Variants in GLI1 observed in about 807,000 individuals in gnomAD.
The protein encoded by GLI1 is transcription activator GLI1.
Under a neutral mutation model 87.8 loss-of-function variants are expected in GLI1, and 51 were observed. The observed-to-expected ratio is 0.58, with a 90% confidence interval of 0.46 to 0.73. The LOEUF (loss-of-function observed/expected upper bound fraction) is 0.73, where lower values mean the gene tolerates loss of function less well. Ranked by LOEUF, GLI1 falls within the 30% of genes least tolerant of loss-of-function variation. The pLI, the probability that GLI1 is intolerant of heterozygous loss-of-function variation, is 0.00. For synonymous variants in GLI1, 528 were observed against 558.2 expected, an observed-to-expected ratio of 0.95 and a Z score of 0.76; for missense variants, 1,292 against 1,437.2, an observed-to-expected ratio of 0.90 and a Z score of 1.63.
At chr12:57,465,449 T>G (rs1246481992) in intron 5 of GLI1, 158 bp from the exon 6 acceptor site, 1 of 742,930 alleles carries the variant, frequency 1.3e-6, no homozygotes, top group East Asian at 2.7e-5. Context: ...CTTTTGCCCA[T>G]CCCATTCACC....
chr12:57,466,358 GAC>G lies in GLI1; in HGVS notation c.886_887del (p.Thr296TrpfsTer10). ...TACATGCTGGTGGTTCACATGCGCA[GAC>G]ACACTGGCGAGAAGCCACACAAGTG... is the stretch of plus-strand genomic sequence containing the variant. On this transcript the variant is annotated frameshift_variant, in exon 8 of 12. Transcript: ENST00000228682. LOFTEE classifies it high-confidence loss of function. 6.2e-7 allele frequency: 1 copy of G among 1,613,940 alleles called. No individual in the cohort carries two copies. The highest frequency in any genetic ancestry group is 8.5e-7 in the Non-Finnish European group (1 of 1,179,890).
chr12:57,470,636 T>G lies in GLI1; in HGVS notation c.1896T>G (p.Asn632Lys), dbSNP rs140787723. 8 of 1,613,380 alleles carry G rather than the reference T, an allele frequency of 5.0e-6. No homozygotes were observed. Among genetic ancestry groups the G allele is most frequent in the Non-Finnish European group, 6.8e-6 (8 of 1,179,820 alleles). The change falls in exon 12 of 12, where the codon AAT (asparagine) becomes AAG (lysine). Residue 632 changes from asparagine to lysine, a missense_variant. By Grantham distance (94) the Asn-to-Lys change is moderately conservative (BLOSUM62 0). Coordinates refer to ENST00000228682, the MANE Select transcript of GLI1 (RefSeq NM_005269.3). ...CCGAGTATCCAGGATACAACCCCAA[T>G]GCAGGGGTCACCCGGAGGGCCAGTG... ...SRAEYPGYNP[N>K]AGVTRRASDP... is the part of the protein sequence containing the mutation.
Position 57,470,633 on chromosome 12 carries a change from C to T in GLI1, c.1893C>T (p.Pro631=), listed in dbSNP as rs1046558361. 27 of 1,613,920 alleles carry T rather than the reference C, an allele frequency of 1.7e-5. 1 individual carries two copies. In the Admixed American group the frequency reaches 3.2e-4, roughly 19 times the overall value. The part of the protein sequence containing the change: ...RSRAEYPGYN[P]NAGVTRRASD... ...GAGCCGAGTATCCAGGATACAACCCCAATGCAGGGGTCACCCGGAGGGCCA... is the reference window on the plus strand; with the variant it reads ...GAGCCGAGTATCCAGGATACAACCCTAATGCAGGGGTCACCCGGAGGGCCA... The change falls in exon 12 of 12, where the codon CCC becomes CCT. Residue 631 remains proline, a synonymous_variant. Coordinates refer to ENST00000228682, the MANE Select transcript of GLI1 (RefSeq NM_005269.3).
At chr12:57,462,084 C>G (rs79876740) in intron 1 of GLI1, among the ~76,000 whole-genome samples, 8,804 of 152,208 alleles carry the variant, frequency 0.058, 828 homozygotes, top group African/African-American at 0.2. Context: ...AGAAAGATGA[C>G]TGAGTAGGCA....
Position 57,470,672 on chromosome 12 carries a change from G to C in GLI1, c.1932G>C (p.Gln644His). ...CCCGGAGGGCCAGTGACCCAGCCCA[G>C]GCTGCTGACCGTCCTGCTCCAGCTA... Reference protein sequence around the residue: ...GVTRRASDPAQAADRPAPARV... With the variant: ...GVTRRASDPAHAADRPAPARV... The change falls in exon 12 of 12, where the codon CAG (glutamine) becomes CAC (histidine). Residue 644 changes from glutamine (Q) to histidine (H), a missense_variant. Transcript: ENST00000228682. 1 of 1,613,416 alleles carries C rather than the reference G, an allele frequency of 6.2e-7. No homozygotes were observed. The highest frequency in any genetic ancestry group is 8.5e-7 in the Non-Finnish European group (1 of 1,179,764).
At position 57,469,694 on chromosome 12, in the gene GLI1, C is replaced by T. The variant is rs1404539821; in HGVS notation, c.1572C>T (p.His524=). The T allele has an allele frequency of 6.2e-7, 1 of 1,613,252 alleles. No homozygotes were observed. Among genetic ancestry groups the T allele is most frequent in the Non-Finnish European group, 8.5e-7 (1 of 1,179,910 alleles). The change falls in exon 11 of 12, where the codon CAC becomes CAT. Residue 524 remains histidine (H), a synonymous_variant. Transcript: ENST00000228682. ...GTCTCAAACTGCCCAGCTTGTCCCA[C>T]ACCGGTGAGACCTGGGTGTGGGAGG... is the stretch of plus-strand genomic sequence containing the variant. The part of the protein sequence containing the change: ...TRGLKLPSLS[H]TGTTVSRRVG...
rs1398627633 is a variant in GLI1, at chr12:57,462,885, G to A, written c.-27-780G>A. Among the ~76,000 whole-genome samples, 8 of 152,244 alleles carry A rather than the reference G, an allele frequency of 5.3e-5. No homozygotes were observed. The South Asian group carries it at 1.0e-3, about 20-fold the overall frequency. On this transcript the variant is annotated intron_variant, in intron 1 of 11. Transcript: ENST00000228682. ...TTGTACACGGGCTGTCCCTGGGGAG[G>A]GGCACGAGAAGGAAGGGGGAACGGG...
In GLI1 at chr12:57,469,627, G is replaced by A. The variant is rs760289179; in HGVS notation, c.1505G>A (p.Arg502Lys). The A allele has an allele frequency of 1.7e-5, 27 of 1,614,006 alleles. No homozygotes were observed. Among genetic ancestry groups the A allele is most frequent in the Non-Finnish European group, 2.2e-5 (26 of 1,180,048 alleles). The change falls in exon 11 of 12, where the codon AGG becomes AAG. Residue 502 changes from arginine to lysine, a missense_variant. Physicochemically the swap from Arg to Lys is conservative, Grantham distance 26. Around this residue, in one of 3 missense-constraint regions of GLI1, gnomAD observed 897 missense variants for 1,040.7 expected, o/e 0.86. Coordinates refer to ENST00000228682, the MANE Select transcript of GLI1 (RefSeq NM_005269.3). ...ACTCTTCGCCGCCTTGAGAACCTCA[G>A]GCTGGACCAGCTACATCAACTCCGG... is the stretch of plus-strand genomic sequence containing the variant. ...LSTLRRLENL[R>K]LDQLHQLRPI...
rs1871484314 is a variant in GLI1, at chr12:57,466,361, A to G, written c.884A>G (p.His295Arg). The G allele has an allele frequency of 6.2e-7, 1 of 1,613,620 alleles. No individual in the cohort carries two copies. The highest frequency in any genetic ancestry group is 8.5e-7 in the Non-Finnish European group (1 of 1,179,786). The change falls in exon 8 of 12, where the codon CAC becomes CGC. Residue 295 changes from histidine (H) to arginine (R), a missense_variant. Coordinates refer to ENST00000228682, the MANE Select transcript of GLI1 (RefSeq NM_005269.3). The part of the protein sequence containing the change: ...QYMLVVHMRR[H>R]TGEKPHKCTF... ...ATGCTGGTGGTTCACATGCGCAGAC[A>G]CACTGGCGAGAAGCCACACAAGTGC...
In GLI1 at chr12:57,467,192, T is replaced by C. The variant is rs1871548722; in HGVS notation, c.913-141T>C. The C allele has an allele frequency of 6.4e-6, 4 of 622,602 alleles. No individual in the cohort carries two copies. In the South Asian group the frequency reaches 1.2e-4, roughly 18 times the overall value. The allele number at this position is 622,602 out of a possible 1,614,324, so 38.6% of individuals were successfully genotyped here. ...GTTCTTGCCTGCCCTTGTCCCCTAG[T>C]TTTGGGAATTCTCTCGAAGCCCCAG... On this transcript the variant is annotated intron_variant, in intron 8 of 11. Coordinates refer to ENST00000228682, the MANE Select transcript of GLI1 (RefSeq NM_005269.3).
intron 8 of GLI1, among the ~76,000 whole-genome samples, chr12:57,466,860 C>T (rs1023310416): frequency 5.9e-5 from 9 of 151,960 alleles, no homozygotes; most frequent in Admixed American, 4.6e-4. Context: ...GCTGAGATGG[C>T]GCCACTGCAC....
chr12:57,472,190 GTA>G lies in GLI1; in HGVS notation c.*132_*133del, dbSNP rs1416956836. 1 of 641,078 alleles carries G rather than the reference GTA, an allele frequency of 1.6e-6. No individual in the cohort carries two copies. The highest frequency in any genetic ancestry group is 2.9e-5 in the East Asian group (1 of 34,520). 39.7% of individuals were successfully genotyped at this position (641,078 alleles called of 1,614,324 possible). A position where few individuals can be genotyped will look rare whatever the true frequency, so the allele number is the denominator to read the frequency against. ...ATGGGAGGTATGGGCTGGGGGCTAT[GTA>G]TAGTCTGTATACGTTTTGAGGAGAA... is the stretch of plus-strand genomic sequence containing the variant. On this transcript the variant is annotated 3_prime_UTR_variant, in exon 12 of 12. Transcript: ENST00000228682.
Position 57,471,740 on chromosome 12 carries a change from G to A in GLI1, c.3000G>A (p.Gly1000=). 1 of 1,572,242 alleles carries A rather than the reference G, an allele frequency of 6.4e-7. No homozygotes were observed. Among genetic ancestry groups the A allele is most frequent in the East Asian group, 2.2e-5 (1 of 44,626 alleles). ...RLLPPLPTCY[G]PLKVGGTNPS... ...TGCCCCCATTGCCCACTTGCTATGG[G>A]CCTCTCAAAGTGGGAGGCACAAACC... is the stretch of plus-strand genomic sequence containing the variant. Residue 1000 remains glycine, a synonymous_variant, in exon 12 of 12, where the codon GGG becomes GGA. Coordinates refer to ENST00000228682, the MANE Select transcript of GLI1 (RefSeq NM_005269.3). The surrounding 1 kb of genome is among the most constrained non-coding windows in gnomAD (Gnocchi z 4.9).
chr12:57,471,008 TCCAC>T lies in GLI1; in HGVS notation c.2274_2277del (p.Asn760MetfsTer36). On this transcript the variant is annotated frameshift_variant, in exon 12 of 12. Coordinates refer to ENST00000228682, the MANE Select transcript of GLI1 (RefSeq NM_005269.3). LOFTEE classifies it high-confidence loss of function. This position sits in a 1 kb window ranked among gnomAD's most constrained non-coding sequence, Gnocchi z 4.9. Reference sequence around the variant, plus strand: ...CAGGCTCTCTGCCTCTTGGGCCTGGTCCACCCACCAACTATGGCCCCAACCCCTG... The same window carrying T: ...CAGGCTCTCTGCCTCTTGGGCCTGGTCCACCAACTATGGCCCCAACCCCTG... The T allele has an allele frequency of 6.2e-7, 1 of 1,610,596 alleles. No individual in the cohort carries two copies. The highest frequency in any genetic ancestry group is 8.5e-7 in the Non-Finnish European group (1 of 1,178,222).
At chr12:57,465,014 C>T (rs772759431) in intron 4 of GLI1, 97 bp from the exon 5 acceptor site, 10 of 1,347,316 alleles carry the variant, frequency 7.4e-6, no homozygotes, top group East Asian at 2.3e-5. Context: ...CTGCCTCAAC[C>T]ACTACAAATC....
In GLI1 at chr12:57,463,517, G is replaced by A. The variant is rs76061827; in HGVS notation, c.-27-148G>A. ...GGCGTGAGCCACTGTGCCCGGCTCA[G>A]TGATGCTCTTTTCAACTCGAATTCC... is the stretch of plus-strand genomic sequence containing the variant. On this transcript the variant is annotated intron_variant, in intron 1 of 11. Transcript: ENST00000228682. 1.2e-3 allele frequency: 765 copies of A among 647,094 alleles called. 9 individuals are homozygous for A. The East Asian group carries it at 0.016, about 14-fold the overall frequency. 40.1% of individuals were successfully genotyped at this position (647,094 alleles called of 1,614,324 possible). A position where few individuals can be genotyped will look rare whatever the true frequency, so the allele number is the denominator to read the frequency against.
At chr12:57,463,096 G>A (rs1871247916) in intron 1 of GLI1, among the ~76,000 whole-genome samples, 1 of 152,092 alleles carries the variant, frequency 6.6e-6, no homozygotes, top group Non-Finnish European at 1.5e-5. Flanking sequence ...CACAGGCAAA[G>A]CTCCCACCCA....
chr12:57,465,848 C>T lies in GLI1; in HGVS notation c.685C>T (p.Pro229Ser), dbSNP rs755812887. The T allele has an allele frequency of 1.9e-6, 3 of 1,613,978 alleles. No individual in the cohort carries two copies. The highest frequency in any genetic ancestry group is 1.7e-6 in the Non-Finnish European group (2 of 1,179,844). ...CCTCGAGAGAGAGGAGAAGCGTGAG[C>T]CTGAATCTGTGTATGAAACTGACTG... ...EDLEREEKRE[P>S]ESVYETDCRW... is the part of the protein sequence containing the mutation. The change falls in exon 7 of 12, where the codon CCT becomes TCT. Residue 229 changes from proline to serine, a missense_variant. Physicochemically the swap from Pro to Ser is moderately conservative, Grantham distance 74 (BLOSUM62 -1). Coordinates refer to ENST00000228682, the MANE Select transcript of GLI1 (RefSeq NM_005269.3).
chr12:57,463,288 G>A (rs1265826364), intron 1 of GLI1, among the ~76,000 whole-genome samples: 1 of 152,138 alleles, frequency 6.6e-6, no homozygotes, highest in Non-Finnish European at 1.5e-5. Flanking sequence ...CACCATCTCG[G>A]CTCACTGAAA....
Sources: gnomAD v4.1 joint callset for allele counts (sites outside exome capture counted in the v4.1 genomes callset) on GRCh38, gnomAD v4.1.1 for gene constraint, gnomAD v4.1.1 regional missense constraint, Gnocchi (gnomAD v3.1) non-coding constraint, MANE v1.5 for transcripts, NCBI Gene and HGNC (gene_info 2026-07-23, HGNC 2026-07-21) for gene names.